Variants in DYTN observed in about 807,000 individuals in gnomAD.
DYTN encodes the protein dystrotelin.
Under a neutral mutation model 69.6 loss-of-function variants are expected in DYTN, and 75 were observed. The ratio of observed to expected loss-of-function variants is 1.08; its 90% CI spans 0.89 to 1.31. The LOEUF (loss-of-function observed/expected upper bound fraction) is 1.31, where lower values mean the gene tolerates loss of function less well. DYTN is among the 50% of genes most tolerant of loss of function. DYTN has a pLI of 0.00. For missense variants in DYTN, 726 were observed against 688.4 expected, an observed-to-expected ratio of 1.05 and a Z score of -0.61; for synonymous variants, 252 against 249.1, an observed-to-expected ratio of 1.01 and a Z score of -0.11.
At chr2:206,707,135 C>T (rs79982783) in intron 3 of DYTN, among the ~76,000 whole-genome samples, 167 bp downstream of exon 3, 10,044 of 152,138 alleles carry the variant, frequency 0.066, 471 homozygotes, top group Non-Finnish European at 0.093. Context: ...AGCCGATGGG[C>T]ATTTACTCCT....
rs1158815133 is a variant in DYTN, at chr2:206,693,266, G to C, written c.889C>G (p.Gln297Glu). Residue 297 changes from glutamine (Q) to glutamate (E), a missense_variant, in exon 9 of 12, where the codon CAG (glutamine) becomes GAG (glutamate). Physicochemically the swap from Gln to Glu is conservative, Grantham distance 29. Transcript: ENST00000452335. ...GCTTCTTTCTTCCTACAGCGCCCCT[G>C]AAGAAGGTTGTTTCTGAGGGTCCTG... ...LFRTLRNNLL[Q>E]GRCRKKEAAR... 1 of 1,613,436 alleles carries C rather than the reference G, an allele frequency of 6.2e-7. No individual in the cohort carries two copies. The highest frequency in any genetic ancestry group is 1.3e-5 in the African/African-American group (1 of 74,902).
Position 206,696,845 on chromosome 2 carries a change from A to C in DYTN, c.720-1968T>G, listed in dbSNP as rs1390540890. Among the ~76,000 whole-genome samples the C allele has an allele frequency of 5.3e-5, 8 of 152,182 alleles. No homozygotes were observed. The East Asian group carries it at 1.5e-3, about 29-fold the overall frequency. On this transcript the variant is annotated intron_variant, in intron 7 of 11. Transcript: ENST00000452335. ...GTACTAATAGTTGAATTGAAAACTT[A>C]AGCTCACTTAAGTTTAGGAGAATGC...
At chr2:206,683,339 CTTTT>C (rs10531348) in intron 9 of DYTN, among the ~76,000 whole-genome samples, 5 of 111,946 alleles carry the variant, frequency 4.5e-5, no homozygotes, top group Non-Finnish European at 9.2e-5. Flanking sequence ...TTTACTTTTT[CTTTT>C]TTTTTTTTTT....
chr2:206,665,326 TTTAG>T (rs1396409287), intron 10 of DYTN, among the ~76,000 whole-genome samples: 16 of 152,180 alleles, frequency 1.1e-4, no homozygotes, highest in Non-Finnish European at 2.1e-4. Context: ...ATTTTTATGT[TTTAG>T]TTAGTGAATA....
At chr2:206,705,086 A>G in intron 4 of DYTN, 143 bp from the exon 5 acceptor site, 1 of 674,386 alleles carries the variant, frequency 1.5e-6, no homozygotes, top group Non-Finnish European at 2.5e-6. Flanking sequence ...GCTAGCTATT[A>G]TGAAGGCCTC....
At chr2:206,670,461 G>A (rs553335488) in intron 9 of DYTN, 4 of 151,806 alleles carry the variant, frequency 2.6e-5, no homozygotes, top group South Asian at 4.2e-4. Context: ...CTCTGTGGTC[G>A]GTATTTGCAC....
At chr2:206,712,236 T>C (rs1700084688) in intron 1 of DYTN, among the ~76,000 whole-genome samples, 1 of 152,152 alleles carries the variant, frequency 6.6e-6, no homozygotes, top group African/African-American at 2.4e-5. Flanking sequence ...ATCTAAGGAA[T>C]AACCTGAGTC....
intron 9 of DYTN, among the ~76,000 whole-genome samples, chr2:206,676,989 C>T (rs1057453422): frequency 6.6e-6 from 1 of 152,172 alleles, no homozygotes; most frequent in Non-Finnish European, 1.5e-5. Flanking sequence ...CTCTGACACC[C>T]AGGCTGGAGT....
intron 10 of DYTN, among the ~76,000 whole-genome samples, chr2:206,664,804 G>A (rs908690713): frequency 2.6e-5 from 4 of 152,144 alleles, no homozygotes; most frequent in Admixed American, 6.5e-5. Flanking sequence ...ATTAATGAAC[G>A]TGAATTTTTT....
chr2:206,713,390 C>A (rs1700097383), intron 1 of DYTN, among the ~76,000 whole-genome samples: 1 of 152,064 alleles, frequency 6.6e-6, no homozygotes, highest in Non-Finnish European at 1.5e-5. Flanking sequence ...AGTTTTCTGC[C>A]ACAATCGCTG....
intron 5 of DYTN, among the ~76,000 whole-genome samples, chr2:206,703,868 G>GT (rs1400979755): frequency 2.0e-5 from 3 of 152,146 alleles, no homozygotes; most frequent in African/African-American, 7.2e-5. Flanking sequence ...CAAAACAAGG[G>GT]TAAGGGTACA....
intron 8 of DYTN, among the ~76,000 whole-genome samples, chr2:206,693,573 C>T (rs1699887853): frequency 6.6e-6 from 1 of 152,140 alleles, no homozygotes; most frequent in African/African-American, 2.4e-5. Flanking sequence ...CGTCATTTGG[C>T]ATTCTACACC....
At position 206,715,369 on chromosome 2, in the gene DYTN, C is replaced by T. The variant is rs193236262; in HGVS notation, c.19+2892G>A. On this transcript the variant is annotated intron_variant, in intron 1 of 11. Coordinates refer to ENST00000452335, the MANE Select transcript of DYTN (RefSeq NM_001093730.1). Reference sequence around the variant, plus strand: ...AGGGGGAGGGGAGATGACTTAGGGACGGCAGCTCTCAGATGCATCCTTATC... The same window carrying T: ...AGGGGGAGGGGAGATGACTTAGGGATGGCAGCTCTCAGATGCATCCTTATC... Among the ~76,000 whole-genome samples the T allele has an allele frequency of 5.3e-4, 81 of 152,180 alleles. 1 individual carries two copies. The East Asian group carries it at 0.015, about 28-fold the overall frequency.
chr2:206,666,326 C>G (rs1005298655), intron 9 of DYTN, among the ~76,000 whole-genome samples: 1 of 152,116 alleles, frequency 6.6e-6, no homozygotes, highest in Non-Finnish European at 1.5e-5. Context: ...ATTGGAAAAC[C>G]CTGTGCCTCA....
Position 206,707,504 on chromosome 2 carries a change from C to T in DYTN, c.95-1G>A, listed in dbSNP as rs1435060857. 1.2e-6 allele frequency: 2 copies of T among 1,605,810 alleles called. No homozygotes were observed. Among genetic ancestry groups the T allele is most frequent in the African/African-American group, 2.7e-5 (2 of 74,784 alleles). ...ATCAGGGAGCTGTCAATCAAGTCCA[C>T]TGTAGGAAGCAAATGAAGAATTGAG... On this transcript the variant is annotated splice_acceptor_variant, in intron 2 of 11. Transcript: ENST00000452335. LOFTEE classifies it high-confidence loss of function.
rs56067462 is a variant in DYTN, at chr2:206,705,805, G to C, written c.365C>G (p.Pro122Arg). 136,345 of 1,613,454 alleles carry C rather than the reference G, an allele frequency of 0.085. 6,393 individuals are homozygous for C. Among genetic ancestry groups the C allele is most frequent in the Non-Finnish European group, 0.095 (112,093 of 1,179,628 alleles). ...CATGTTACCTCGGTATTTTGAAAGA[G>C]GGCTGTCTCCTGAGAGGGTTATTAG... ...AALITLSGDS[P>R]LSKYRALFQL... Residue 122 changes from proline (P) to arginine (R), a missense_variant, in exon 4 of 12, where the codon CCT (proline) becomes CGT (arginine). Pro to Arg is a moderately radical substitution (Grantham distance 103). Coordinates refer to ENST00000452335, the MANE Select transcript of DYTN (RefSeq NM_001093730.1).
rs1244189357 is a variant in DYTN at position 206,663,330 on chromosome 2, A to G, written c.1206T>C (p.His402=). ...SFQNVGNKVD[H]SSTEKVPKGG... is the part of the protein sequence containing the mutation. ...CCTTTGGAACCTTTTCAGTTGAAGAATGGTCAACCTTGTTCCCCACATTTT... is the reference window on the plus strand; with the variant it reads ...CCTTTGGAACCTTTTCAGTTGAAGAGTGGTCAACCTTGTTCCCCACATTTT... Residue 402 remains histidine, a synonymous_variant, in exon 11 of 12, where the codon CAT becomes CAC. Transcript: ENST00000452335. The G allele has an allele frequency of 1.2e-6, 2 of 1,613,872 alleles. No homozygotes were observed. Among genetic ancestry groups the G allele is most frequent in the Non-Finnish European group, 1.7e-6 (2 of 1,179,904 alleles).
intron 9 of DYTN, among the ~76,000 whole-genome samples, chr2:206,689,289 C>T (rs140145764): frequency 2.1e-3 from 324 of 152,328 alleles, no homozygotes; most frequent in Middle Eastern, 0.017. Context: ...AATATTATCA[C>T]TTGGCCATAA....
At chr2:206,690,481 G>A (rs955940978) in intron 9 of DYTN, among the ~76,000 whole-genome samples, 3 of 152,220 alleles carry the variant, frequency 2.0e-5, no homozygotes, top group Non-Finnish European at 2.9e-5. Context: ...AAAAGGGCCT[G>A]TGGCACCAGG....
Sources: gnomAD v4.1 joint callset for allele counts (sites outside exome capture counted in the v4.1 genomes callset) on GRCh38, gnomAD v4.1.1 for gene constraint, MANE v1.5 for transcripts, NCBI Gene and HGNC (gene_info 2026-07-23, HGNC 2026-07-21) for gene names.